Variants in LCN9 observed in about 807,000 individuals in gnomAD.
The protein encoded by LCN9 is lipocalin 9, also known as epididymal-specific lipocalin-9.
A neutral mutation model predicts 18.5 loss-of-function variants in LCN9; 22 were observed. The ratio of observed to expected loss-of-function variants is 1.19; its 90% CI spans 0.85 to 1.70. LCN9 has a LOEUF of 1.70. LCN9 is among the 40% of genes most tolerant of loss of function. The pLI is 0.00. For synonymous variants in LCN9, 89 were observed against 83.0 expected, an observed-to-expected ratio of 1.07 and a Z score of -0.39; for missense variants, 202 against 201.3, an observed-to-expected ratio of 1.00 and a Z score of -0.02.
rs532588214 is a variant in LCN9 at position 135,664,010 on chromosome 9, C to T, written c.97-152C>T. ...TGGGGGTAAAGGGGGGATCTGGTGA[C>T]GAGGGGAGACCTGGGGGCACTGGAA... is the stretch of plus-strand genomic sequence containing the variant. On this transcript the variant is annotated intron_variant, in intron 1 of 5. Transcript: ENST00000619315. The surrounding 1 kb of genome is among the most constrained non-coding windows in gnomAD (Gnocchi z 4.5). Among the ~76,000 whole-genome samples, 5 of 94,524 alleles carry T rather than the reference C, an allele frequency of 5.3e-5. No homozygotes were observed. Among genetic ancestry groups the T allele is most frequent in the African/African-American group, 1.8e-4 (4 of 22,380 alleles). 62.0% of individuals were successfully genotyped at this position (94,524 alleles called of 152,430 possible).
rs112845035 is a variant in LCN9, at chr9:135,665,963, C to A, written c.*112C>A. 4 of 1,600,466 alleles carry A rather than the reference C, an allele frequency of 2.5e-6. No individual in the cohort carries two copies. The African/African-American group carries it at 4.0e-5, about 16-fold the overall frequency. On this transcript the variant is annotated 3_prime_UTR_variant, in exon 6 of 6. Transcript: ENST00000619315. This position sits in a 1 kb window ranked among gnomAD's most constrained non-coding sequence, Gnocchi z 5.9. ...CTGGATGGGGAGAGCTTGGGGCCAA[C>A]GTCAGAGGCTGCGGGGTCCCACCCC...
chr9:135,664,178 A>T lies in LCN9; in HGVS notation c.113A>T (p.Tyr38Phe). The T allele has an allele frequency of 6.2e-7, 1 of 1,613,084 alleles. No homozygotes were observed. The highest frequency in any genetic ancestry group is 8.5e-7 in the Non-Finnish European group (1 of 1,179,568). The change falls in exon 2 of 6, where the codon TAT becomes TTT. Residue 38 changes from tyrosine (Y) to phenylalanine (F), a missense_variant. By Grantham distance (22) the Tyr-to-Phe change is conservative. Coordinates refer to ENST00000619315, the Ensembl canonical transcript of LCN9. This position sits in a 1 kb window ranked among gnomAD's most constrained non-coding sequence, Gnocchi z 4.5. Reference sequence around the variant, plus strand: ...TGTCTTCAGGTTTCAGGGGTCTGGTATTCTATTTTCATGGCCTCAGATGAC... The same window carrying T: ...TGTCTTCAGGTTTCAGGGGTCTGGTTTTCTATTTTCATGGCCTCAGATGAC...
chr9:135,664,084 G>A lies in LCN9; in HGVS notation c.97-78G>A. On this transcript the variant is annotated intron_variant, in intron 1 of 5. Coordinates refer to ENST00000619315, the Ensembl canonical transcript of LCN9. This position sits in a 1 kb window ranked among gnomAD's most constrained non-coding sequence, Gnocchi z 4.5. ...GCCAGATGCTAAGGGGCCGGGCCCT[G>A]GGAGGGAAGACTGTGGGCGCTAAGC... 3 of 1,527,394 alleles carry A rather than the reference G, an allele frequency of 2.0e-6. No homozygotes were observed. The highest frequency in any genetic ancestry group is 2.7e-6 in the Non-Finnish European group (3 of 1,121,982). 94.6% of individuals were successfully genotyped at this position (1,527,394 alleles called of 1,614,324 possible).
chr9:135,666,144 C>T (rs1173802938), exon 6 of LCN9: 3 of 1,591,002 alleles, frequency 1.9e-6, no homozygotes, highest in Non-Finnish European at 2.6e-6. Flanking sequence ...TGTGAGTCTC[C>T]AGGGGCTGAT....
intron 1 of LCN9, 71 bp downstream of exon 1, chr9:135,663,488 C>A: frequency 7.1e-7 from 1 of 1,403,442 alleles, no homozygotes; most frequent in Non-Finnish European, 1.0e-6. Context: ...AGCCTGGGGT[C>A]TCTGACCTGT....
Position 135,665,730 on chromosome 9 carries a change from TATC to T in LCN9, c.465_467del (p.Ser156del). 6.2e-7 allele frequency: 1 copy of T among 1,613,528 alleles called. No individual in the cohort carries two copies. The highest frequency in any genetic ancestry group is 8.5e-7 in the Non-Finnish European group (1 of 1,179,744). On this transcript the variant is annotated inframe_deletion, in exon 5 of 6. Transcript: ENST00000619315. This position sits in a 1 kb window ranked among gnomAD's most constrained non-coding sequence, Gnocchi z 5.9. ...AAAAGTACGGACTTGGCTCACAAAA[TATC>T]ATCGACTTGACCAACAAAGGTCAGC...
rs559117027 is a variant in LCN9 at position 135,664,076 on chromosome 9, C to T, written c.97-86C>T. ...GGTTGGGAGCCAGATGCTAAGGGGC[C>T]GGGCCCTGGGAGGGAAGACTGTGGG... On this transcript the variant is annotated intron_variant, in intron 1 of 5. Transcript: ENST00000619315. This position sits in a 1 kb window ranked among gnomAD's most constrained non-coding sequence, Gnocchi z 4.5. 4.3e-5 allele frequency: 62 copies of T among 1,448,454 alleles called. No homozygotes were observed. The highest frequency in any genetic ancestry group is 1.5e-4 in the East Asian group (6 of 41,056). The allele number at this position is 1,448,454 out of a possible 1,614,324, so 89.7% of individuals were successfully genotyped here. A position where few individuals can be genotyped will look rare whatever the true frequency, so the allele number is the denominator to read the frequency against.
At chr9:135,666,105 G>A in exon 6 of LCN9, 3 of 1,599,154 alleles carry the variant, frequency 1.9e-6, no homozygotes, top group Non-Finnish European at 1.7e-6. Flanking sequence ...GGGTGGTAAG[G>A]TCTGAGCAGG....
Position 135,665,512 on chromosome 9 carries a change from G to A in LCN9, c.418+157G>A, listed in dbSNP as rs888453724. 1.2e-6 allele frequency: 1 copy of A among 819,002 alleles called. No individual in the cohort carries two copies. The highest frequency in any genetic ancestry group is 1.7e-5 in the African/African-American group (1 of 58,926). The allele number at this position is 819,002 out of a possible 1,614,324, so 50.7% of individuals were successfully genotyped here. A position where few individuals can be genotyped will look rare whatever the true frequency, so the allele number is the denominator to read the frequency against. On this transcript the variant is annotated intron_variant, in intron 4 of 5. Transcript: ENST00000619315. The surrounding 1 kb of genome is among the most constrained non-coding windows in gnomAD (Gnocchi z 5.9). ...CCACAGACACACCGTTAGGGTGCTGGGTGCTTCAATCTGTCACCTCCCATC... is the reference window on the plus strand; with the variant it reads ...CCACAGACACACCGTTAGGGTGCTGAGTGCTTCAATCTGTCACCTCCCATC...
rs2119179057 is a variant in LCN9 at position 135,664,599 on chromosome 9, G to A, written c.234-123G>A. ...GCAGGGCCCAGCCCAAGAACTTGGG[G>A]CTGTGGAATGAGGCCTGGGCATTGG... On this transcript the variant is annotated intron_variant, in intron 2 of 5. Coordinates refer to ENST00000619315, the Ensembl canonical transcript of LCN9. The surrounding 1 kb of genome is among the most constrained non-coding windows in gnomAD (Gnocchi z 4.5). The A allele has an allele frequency of 6.6e-6, 6 of 913,676 alleles. No individual in the cohort carries two copies. 56.6% of individuals were successfully genotyped at this position (913,676 alleles called of 1,614,324 possible).
At position 135,665,534 on chromosome 9, in the gene LCN9, C is replaced by T. The variant is rs142355733; in HGVS notation, c.419-154C>T. 1,783 of 841,344 alleles carry T rather than the reference C, an allele frequency of 2.1e-3. 3 individuals are homozygous for T. The highest frequency in any genetic ancestry group is 2.8e-3 in the Non-Finnish European group (1,471 of 526,936). 52.1% of individuals were successfully genotyped at this position (841,344 alleles called of 1,614,324 possible). A position where few individuals can be genotyped will look rare whatever the true frequency, so the allele number is the denominator to read the frequency against. ...CTGGGTGCTTCAATCTGTCACCTCC[C>T]ATCTCACTTGGCACAAAGCCCCTCT... On this transcript the variant is annotated intron_variant, in intron 4 of 5. Transcript: ENST00000619315. The surrounding 1 kb of genome is among the most constrained non-coding windows in gnomAD (Gnocchi z 5.9).
Position 135,665,975 on chromosome 9 carries a change from CG to C in LCN9, c.*128del. The C allele has an allele frequency of 6.3e-7, 1 of 1,597,758 alleles. No individual in the cohort carries two copies. On this transcript the variant is annotated 3_prime_UTR_variant, in exon 6 of 6. Coordinates refer to ENST00000619315, the Ensembl canonical transcript of LCN9. The surrounding 1 kb of genome is among the most constrained non-coding windows in gnomAD (Gnocchi z 5.9). The stretch of plus-strand genomic sequence containing the variant: ...AGCTTGGGGCCAACGTCAGAGGCTG[CG>C]GGGTCCCACCCCAGGAGGTGCCCAT...
Position 135,665,379 on chromosome 9 carries a change from C to T in LCN9, c.418+24C>T, listed in dbSNP as rs151041662. 3 of 1,545,166 alleles carry T rather than the reference C, an allele frequency of 1.9e-6. No homozygotes were observed. Among genetic ancestry groups the T allele is most frequent in the African/African-American group, 1.4e-5 (1 of 73,242 alleles). ...TGGTACCTCCGCTGTCCCCCTCTGA[C>T]CCCCTCGGGGACCCCACCTCCTCTG... On this transcript the variant is annotated intron_variant, in intron 4 of 5. Coordinates refer to ENST00000619315, the Ensembl canonical transcript of LCN9. The surrounding 1 kb of genome is among the most constrained non-coding windows in gnomAD (Gnocchi z 5.9).
rs1474147760 is a variant in LCN9, at chr9:135,664,773, G to T, written c.285G>T (p.Lys95Asn). 6.3e-7 allele frequency: 1 copy of T among 1,595,752 alleles called. No individual in the cohort carries two copies. The highest frequency in any genetic ancestry group is 8.5e-7 in the Non-Finnish European group (1 of 1,171,382). ...TCGTGGTCTGCGAGAAGACAGAGAA[G>T]AATGGGGAATACTCCATCAACTGTA... Residue 95 changes from lysine to asparagine, a missense_variant, in exon 3 of 6, where the codon AAG becomes AAT. Lys to Asn is a moderately conservative substitution (Grantham distance 94). Coordinates refer to ENST00000619315, the Ensembl canonical transcript of LCN9. This position sits in a 1 kb window ranked among gnomAD's most constrained non-coding sequence, Gnocchi z 4.5.
rs372226383 is a variant in LCN9, at chr9:135,663,372, G to T, written c.51G>T (p.Glu17Asp). ...GGCTGAGCCTCATCGCAGCCCAGGAGTTCGATCCCCACACCGTTATGCAGA... is the reference window on the plus strand; with the variant it reads ...GGCTGAGCCTCATCGCAGCCCAGGATTTCGATCCCCACACCGTTATGCAGA... The change falls in exon 1 of 6, where the codon GAG (glutamate) becomes GAT (aspartate). Residue 17 changes from glutamate (E) to aspartate (D), a missense_variant. Coordinates refer to ENST00000619315, the Ensembl canonical transcript of LCN9. 2.8e-5 allele frequency: 45 copies of T among 1,613,874 alleles called. No individual in the cohort carries two copies. Among genetic ancestry groups the T allele is most frequent in the African/African-American group, 1.7e-4 (13 of 74,938 alleles).
rs1834172337 is a variant in LCN9, at chr9:135,664,034, A to T, written c.97-128A>T. On this transcript the variant is annotated intron_variant, in intron 1 of 5. Transcript: ENST00000619315. This position sits in a 1 kb window ranked among gnomAD's most constrained non-coding sequence, Gnocchi z 4.5. ...ACGAGGGGAGACCTGGGGGCACTGG[A>T]AGGGCGGAGGGGTTCTGGTTGGGAG... The T allele has an allele frequency of 6.3e-6, 6 of 950,624 alleles. No individual in the cohort carries two copies. The highest frequency in any genetic ancestry group is 3.4e-4 in the Middle Eastern group (1 of 2,956). The allele number at this position is 950,624 out of a possible 1,614,324, so 58.9% of individuals were successfully genotyped here. A position where few individuals can be genotyped will look rare whatever the true frequency, so the allele number is the denominator to read the frequency against.
rs1007929446 is a variant in LCN9, at chr9:135,664,430, G to T, written c.233+132G>T. 8.1e-7 allele frequency: 1 copy of T among 1,227,016 alleles called. No individual in the cohort carries two copies. The highest frequency in any genetic ancestry group is 1.2e-6 in the Non-Finnish European group (1 of 859,786). The allele number at this position is 1,227,016 out of a possible 1,614,324, so 76.0% of individuals were successfully genotyped here. ...CTCTGGTGAGAGCCTGAGCCTGTGC[G>T]TGTGACCCTTGGGGGCAGGGTGAGG... On this transcript the variant is annotated intron_variant, in intron 2 of 5. Transcript: ENST00000619315. This position sits in a 1 kb window ranked among gnomAD's most constrained non-coding sequence, Gnocchi z 4.5.
chr9:135,666,423 C>T (rs1834223479), exon 6 of LCN9: 1 of 362,300 alleles, frequency 2.8e-6, no homozygotes, highest in Non-Finnish European at 5.1e-6. Context: ...GAATGATCTC[C>T]CGTCAAGACC....
In LCN9 at chr9:135,665,655, G is replaced by A. The variant is rs746547175; in HGVS notation, c.419-33G>A. The A allele has an allele frequency of 3.1e-6, 5 of 1,598,968 alleles. No homozygotes were observed. The highest frequency in any genetic ancestry group is 3.4e-6 in the Non-Finnish European group (4 of 1,171,456). Reference sequence around the variant, plus strand: ...CAGAACCAACTCTGTTCCCAGCACGGGTCCCATAGCTGGAACCCTCCTTCC... The same window carrying A: ...CAGAACCAACTCTGTTCCCAGCACGAGTCCCATAGCTGGAACCCTCCTTCC... On this transcript the variant is annotated intron_variant, in intron 4 of 5. Transcript: ENST00000619315. The surrounding 1 kb of genome is among the most constrained non-coding windows in gnomAD (Gnocchi z 5.9).
Sources: gnomAD v4.1 joint callset for allele counts (sites outside exome capture counted in the v4.1 genomes callset) on GRCh38, gnomAD v4.1.1 for gene constraint, Gnocchi (gnomAD v3.1) non-coding constraint, MANE v1.5 for transcripts, NCBI Gene and HGNC (gene_info 2026-07-23, HGNC 2026-07-21) for gene names.